Variants in AFF2 observed in about 807,000 individuals in gnomAD.
AFF2 encodes the protein AF4/FMR2 family member 2.
A neutral mutation model predicts 76.9 loss-of-function variants in AFF2; 14 were observed. That is an observed-to-expected ratio of 0.18 (90% confidence interval 0.12 to 0.28). The LOEUF (loss-of-function observed/expected upper bound fraction) is 0.28, where lower values mean the gene tolerates loss of function less well. Among genes scored for constraint, AFF2 ranks in the 10% least tolerant of loss-of-function variants. The pLI, the probability that AFF2 is intolerant of heterozygous loss-of-function variation, is 1.00. For missense variants in AFF2, 868 were observed against 1,001.1 expected (o/e 0.87, Z 1.79); for synonymous variants, 398 against 366.7 (o/e 1.09, Z -0.98).
chrX:148,912,643 T>A (rs1479449256), intron 9 of AFF2, among the ~76,000 whole-genome samples: 1 of 112,413 alleles, frequency 8.9e-6, no homozygotes, highest in Non-Finnish European at 1.9e-5. Context: ...AGAAAATGAA[T>A]TGACTGTAAA....
Position 148,883,431 on chromosome X carries a change from C to T in AFF2, c.1263-2458C>T, listed in dbSNP as rs376513352. Among the ~76,000 whole-genome samples, 8 of 111,474 alleles carry T rather than the reference C, an allele frequency of 7.2e-5. No individual in the cohort carries two copies. In the East Asian group the frequency reaches 1.4e-3, roughly 20 times the overall value. On this transcript the variant is annotated intron_variant, in intron 7 of 20. Transcript: ENST00000370460. ...CATAATGCACTTTCACATGCATTAG[C>T]TCCTGTTATGCTCACCACCACCCTC...
chrX:148,969,062 G>A (rs2072216449), intron 15 of AFF2, among the ~76,000 whole-genome samples: 1 of 112,724 alleles, frequency 8.9e-6, no homozygotes, highest in Non-Finnish European at 1.9e-5. Flanking sequence ...TGAAGACTGG[G>A]ATATACATAG....
chrX:148,615,484 T>C (rs1481920109), intron 1 of AFF2, among the ~76,000 whole-genome samples: 3 of 111,966 alleles, frequency 2.7e-5, no homozygotes, highest in Non-Finnish European at 5.7e-5. Context: ...TTAAAATGAA[T>C]AGTTTCTGAT....
chrX:148,512,786 A>T (rs2052496346), intron 1 of AFF2, among the ~76,000 whole-genome samples: 4 of 112,354 alleles, frequency 3.6e-5, no homozygotes, highest in African/African-American at 1.3e-4. Context: ...TACAGTTGTG[A>T]TTTTGTCTGC....
rs142129834 is a variant in AFF2, at chrX:148,851,163, T to G, written c.1262+7730T>G. On this transcript the variant is annotated intron_variant, in intron 7 of 20. Coordinates refer to ENST00000370460, the MANE Select transcript of AFF2 (RefSeq NM_002025.4). ...AATGTTAGGTTTAAATAGTCTGCTC[T>G]TGACACCTTCTCAGAGTTGCTTAAA... Among the ~76,000 whole-genome samples the G allele has an allele frequency of 7.3e-3, 823 of 112,202 alleles. 8 individuals are homozygous for G. Among genetic ancestry groups the G allele is most frequent in the African/African-American group, 0.023 (704 of 30,884 alleles).
chrX:148,552,236 G>A (rs1382764285), intron 1 of AFF2, among the ~76,000 whole-genome samples: 2 of 111,988 alleles, frequency 1.8e-5, no homozygotes, highest in Non-Finnish European at 3.8e-5. Flanking sequence ...CTTGAGGGTG[G>A]TCTTGGGAAC....
chrX:148,742,048 G>A (rs1327305804), intron 3 of AFF2, among the ~76,000 whole-genome samples: 1 of 111,361 alleles, frequency 9.0e-6, no homozygotes, highest in Non-Finnish European at 1.9e-5. Context: ...GGGTCTGTGG[G>A]TCCTCTCAGG....
At chrX:148,859,820 G>T (rs1387504394) in intron 7 of AFF2, among the ~76,000 whole-genome samples, 2 of 110,464 alleles carry the variant, frequency 1.8e-5, no homozygotes, top group Non-Finnish European at 3.8e-5. Flanking sequence ...TTAATTAATT[G>T]ATTTATTTTT....
At chrX:148,691,619 T>G (rs1433875616) in intron 3 of AFF2, among the ~76,000 whole-genome samples, 1 of 111,286 alleles carries the variant, frequency 9.0e-6, no homozygotes, top group East Asian at 2.8e-4. Context: ...AGGAAAAAAT[T>G]TAGACCTAGG....
intron 3 of AFF2, among the ~76,000 whole-genome samples, chrX:148,747,537 G>A (rs899801188): frequency 1.8e-5 from 2 of 111,514 alleles, no homozygotes; most frequent in Non-Finnish European, 3.8e-5. Context: ...TTTTTGATTC[G>A]TCTTTCAAAG....
rs1010557183 is a variant in AFF2, at chrX:148,555,007, C to G, written c.47+53863C>G. ...TAAGATGTCTGGGTCTTAGCCCTGT[C>G]TCTGCCATTCATTTGCTTTGTGATC... On this transcript the variant is annotated intron_variant, in intron 1 of 20. Coordinates refer to ENST00000370460, the MANE Select transcript of AFF2 (RefSeq NM_002025.4). Among the ~76,000 whole-genome samples, 5 of 112,510 alleles carry G rather than the reference C, an allele frequency of 4.4e-5. No individual in the cohort carries two copies. In the Admixed American group the frequency reaches 4.7e-4, roughly 11 times the overall value.
At chrX:148,800,749 CTG>C (rs1276557043) in intron 3 of AFF2, among the ~76,000 whole-genome samples, 2 of 111,543 alleles carry the variant, frequency 1.8e-5, no homozygotes, top group African/African-American at 6.5e-5. Context: ...ATCTTAGACA[CTG>C]TAAATGATTT....
chrX:148,727,274 A>G (rs1458501845), intron 3 of AFF2, among the ~76,000 whole-genome samples: 1 of 111,496 alleles, frequency 9.0e-6, no homozygotes, highest in Admixed American at 9.5e-5. Flanking sequence ...TATTTATCAA[A>G]TTTTAAGATT....
At chrX:148,959,068 C>T (rs1225314276) in intron 12 of AFF2, among the ~76,000 whole-genome samples, 1 of 109,391 alleles carries the variant, frequency 9.1e-6, no homozygotes, top group Admixed American at 9.7e-5. Flanking sequence ...TCCCAGACAG[C>T]TCATCTCTCT....
chrX:148,600,674 T>C (rs974038402), intron 1 of AFF2, among the ~76,000 whole-genome samples: 2 of 111,172 alleles, frequency 1.8e-5, no homozygotes. Flanking sequence ...TTGTTGATAA[T>C]TCACATTTTC....
chrX:148,945,065 A>G (rs928401201), intron 9 of AFF2, among the ~76,000 whole-genome samples: 15 of 111,222 alleles, frequency 1.3e-4, no homozygotes, highest in African/African-American at 4.6e-4. Flanking sequence ...ACCAGGATGA[A>G]TTATGCCCTG....
chrX:148,516,077 A>AGTG (rs1456853760), intron 1 of AFF2, among the ~76,000 whole-genome samples: 1 of 111,574 alleles, frequency 9.0e-6, no homozygotes, highest in Non-Finnish European at 1.9e-5. Flanking sequence ...CACACAAAAT[A>AGTG]GTCTAAGCTC....
chrX:148,758,876 T>C (rs1193218530), intron 3 of AFF2, among the ~76,000 whole-genome samples: 1 of 111,714 alleles, frequency 9.0e-6, no homozygotes, highest in East Asian at 2.8e-4. Context: ...GATACATATT[T>C]CCCAACTGTC....
intron 4 of AFF2, among the ~76,000 whole-genome samples, chrX:148,814,697 A>G (rs190642990): frequency 2.3e-4 from 26 of 112,210 alleles, no homozygotes; most frequent in Admixed American, 5.7e-4. Context: ...ATTCTAAATT[A>G]TGGCAATTCT....
Sources: allele counts gnomAD v4.1 joint callset (sites outside exome capture counted in the v4.1 genomes callset), GRCh38; gene constraint gnomAD v4.1.1; transcripts MANE v1.5; gene names NCBI Gene and HGNC (gene_info 2026-07-23, HGNC 2026-07-21).